The following COL9A2 variants were observed in gnomAD, a reference collection of about 807,000 sequenced individuals.
The protein encoded by COL9A2 is collagen type IX alpha 2 chain, also known as collagen alpha-2(IX) chain.
Under a neutral mutation model 111.6 loss-of-function variants are expected in COL9A2, and 66 were observed. The observed-to-expected ratio is 0.59, with a 90% confidence interval of 0.48 to 0.73. The LOEUF (loss-of-function observed/expected upper bound fraction) is 0.73. COL9A2 is among the 30% of genes least tolerant of loss of function. The probability of loss-of-function intolerance (pLI) is 0.00; values close to 1 mark genes in which losing one functional copy is unlikely to be tolerated. For missense variants in COL9A2, 881 were observed against 954.1 expected (o/e 0.92, Z 1.01); for synonymous variants, 353 against 364.1 (o/e 0.97, Z 0.35).
rs1307390525 is a variant in COL9A2 at position 40,307,516 on chromosome 1, A to T, written c.955-17T>A. ...TGCACTGCCCTGGGATAGACAGATA[A>T]CCAAAGATACAAATTAAAGCTCCAG... On this transcript the variant is annotated splice_polypyrimidine_tract_variant and intron_variant, in intron 18 of 31. Transcript: ENST00000372748. This position sits in a 1 kb window ranked among gnomAD's most constrained non-coding sequence, Gnocchi z 4.8. 6.2e-7 allele frequency: 1 copy of T among 1,613,916 alleles called. No homozygotes were observed. Among genetic ancestry groups the T allele is most frequent in the Non-Finnish European group, 8.5e-7 (1 of 1,179,924 alleles).
chr1:40,302,613 G>C lies in COL9A2; in HGVS notation c.1792+8C>G, dbSNP rs1643930847. ...TGGCCCCCATGCCCACCGCAGAGGA[G>C]CACTCACCCTTGGGCCCCGTGTTGC... On this transcript the variant is annotated splice_region_variant and intron_variant, in intron 30 of 31. Coordinates refer to ENST00000372748, the MANE Select transcript of COL9A2 (RefSeq NM_001852.4). This position sits in a 1 kb window ranked among gnomAD's most constrained non-coding sequence, Gnocchi z 4.5. The C allele has an allele frequency of 3.1e-6, 5 of 1,595,896 alleles. No homozygotes were observed. The highest frequency in any genetic ancestry group is 4.3e-6 in the Non-Finnish European group (5 of 1,173,586).
chr1:40,315,328 G>A (rs1644200515), intron 2 of COL9A2: 3 of 1,328,076 alleles, frequency 2.3e-6, no homozygotes, highest in Admixed American at 3.5e-5. Flanking sequence ...AGGGGGATGA[G>A]GCCTCGCTGT....
intron 21 of COL9A2, among the ~76,000 whole-genome samples, chr1:40,305,478 G>T (rs962185179): frequency 1.3e-5 from 2 of 152,226 alleles, no homozygotes; most frequent in African/African-American, 4.8e-5. Context: ...AACTCTGCCT[G>T]TTGGATTCCC....
chr1:40,315,440 G>A (rs916916724), intron 2 of COL9A2, 150 bp downstream of exon 2: 36 of 1,443,776 alleles, frequency 2.5e-5, no homozygotes, highest in Middle Eastern at 3.7e-4. Flanking sequence ...AACAAACGGC[G>A]TCCTTGTGGT....
chr1:40,303,657 G>A lies in COL9A2; in HGVS notation c.1421C>T (p.Pro474Leu), dbSNP rs764750434. The change falls in exon 28 of 32, where the codon CCC becomes CTC. Residue 474 changes from proline to leucine, a missense_variant. Pro to Leu is a moderately conservative substitution (Grantham distance 98, BLOSUM62 -3). Coordinates refer to ENST00000372748, the MANE Select transcript of COL9A2 (RefSeq NM_001852.4). This position sits in a 1 kb window ranked among gnomAD's most constrained non-coding sequence, Gnocchi z 4.6. ...PKGQQGVRGEPGYPGPSGDAG... is the reference protein window; with the variant it reads ...PKGQQGVRGELGYPGPSGDAG... Reference sequence around the variant, plus strand: ...ATCCCCGCTGGGGCCAGGGTAGCCGGGTTCTCCACGTACTCCTTGCTGCGG... The same window carrying A: ...ATCCCCGCTGGGGCCAGGGTAGCCGAGTTCTCCACGTACTCCTTGCTGCGG... 5.7e-6 allele frequency: 9 copies of A among 1,577,444 alleles called. No individual in the cohort carries two copies. The African/African-American group carries it at 9.5e-5, about 17-fold the overall frequency.
At position 40,316,494 on chromosome 1, in the gene COL9A2, G is replaced by C. The variant is rs1296964692; in HGVS notation, c.75+629C>G. Reference sequence around the variant, plus strand: ...CTGCTGCCCATCTCTGAACAGATCAGAGATCTTAAAAGGCGGCCCTTTTAA... The same window carrying C: ...CTGCTGCCCATCTCTGAACAGATCACAGATCTTAAAAGGCGGCCCTTTTAA... On this transcript the variant is annotated intron_variant, in intron 1 of 31. Transcript: ENST00000372748. The surrounding 1 kb of genome is among the most constrained non-coding windows in gnomAD (Gnocchi z 5.5). 6.6e-6 allele frequency among the ~76,000 whole-genome samples: 1 copy of C among 152,224 alleles called. No individual in the cohort carries two copies. The highest frequency in any genetic ancestry group is 2.4e-5 in the African/African-American group (1 of 41,462).
intron 16 of COL9A2, among the ~76,000 whole-genome samples, chr1:40,308,624 G>C (rs909750923): frequency 6.6e-6 from 1 of 152,204 alleles, no homozygotes; most frequent in Non-Finnish European, 1.5e-5. Flanking sequence ...GAGATAATTG[G>C]GAAAAACTGA....
chr1:40,308,850 A>G (rs1314862744), intron 16 of COL9A2, among the ~76,000 whole-genome samples: 1 of 152,212 alleles, frequency 6.6e-6, no homozygotes, highest in Non-Finnish European at 1.5e-5. Context: ...AGGACACAAG[A>G]CTGACAAAAT....
Position 40,311,044 on chromosome 1 carries a change from G to A in COL9A2, c.630+49C>T. On this transcript the variant is annotated intron_variant, in intron 12 of 31. Coordinates refer to ENST00000372748, the MANE Select transcript of COL9A2 (RefSeq NM_001852.4). This position sits in a 1 kb window ranked among gnomAD's most constrained non-coding sequence, Gnocchi z 5.1. ...CGAAGAAGGGGACAGAGCCCTGTAG[G>A]ACCATCTCCACGTATCCCTGACCCA... is the stretch of plus-strand genomic sequence containing the variant. The A allele has an allele frequency of 2.5e-6, 4 of 1,607,262 alleles. No individual in the cohort carries two copies. The highest frequency in any genetic ancestry group is 2.6e-6 in the Non-Finnish European group (3 of 1,174,280).
At position 40,303,072 on chromosome 1, in the gene COL9A2, GGGGTGAGGGGGC is replaced by G. The variant is rs1458987411; in HGVS notation, c.1603+47_1603+58del. ...AGTGAACACGTGGAGGCTCCGGGAG[GGGGTGAGGGGGC>G]GGCGATGCCCTCGAACTGACTGTGA... On this transcript the variant is annotated intron_variant, in intron 29 of 31. Coordinates refer to ENST00000372748, the MANE Select transcript of COL9A2 (RefSeq NM_001852.4). This position sits in a 1 kb window ranked among gnomAD's most constrained non-coding sequence, Gnocchi z 4.6. The G allele has an allele frequency of 1.1e-4, 165 of 1,545,530 alleles. 1 individual carries two copies. The highest frequency in any genetic ancestry group is 1.1e-4 in the Admixed American group (6 of 55,468).
Position 40,315,665 on chromosome 1 carries a change from C to T in COL9A2, c.76-1G>A. On this transcript the variant is annotated splice_acceptor_variant, in intron 1 of 31. Coordinates refer to ENST00000372748, the MANE Select transcript of COL9A2 (RefSeq NM_001852.4). LOFTEE classifies it high-confidence loss of function. The stretch of plus-strand genomic sequence containing the variant: ...GGCCCCGCTCTCCCGGTGGACCTCT[C>T]TGAAAAACACACACGGGGTGGGGCA... The T allele has an allele frequency of 6.4e-7, 1 of 1,552,130 alleles. No homozygotes were observed. The highest frequency in any genetic ancestry group is 8.7e-7 in the Non-Finnish European group (1 of 1,147,142).
In COL9A2 at chr1:40,314,296, G is replaced by T. The variant is rs372693449; in HGVS notation, c.187-29C>A. ...GAAAACAGAGATGGAACAAACATGA[G>T]CCAGAGGAGGGCAAGAGCAGGAAGG... is the stretch of plus-strand genomic sequence containing the variant. On this transcript the variant is annotated intron_variant, in intron 3 of 31. Coordinates refer to ENST00000372748, the MANE Select transcript of COL9A2 (RefSeq NM_001852.4). This position sits in a 1 kb window ranked among gnomAD's most constrained non-coding sequence, Gnocchi z 4.1. The T allele has an allele frequency of 4.9e-5, 79 of 1,614,106 alleles. No individual in the cohort carries two copies. In the East Asian group the frequency reaches 5.6e-4, roughly 11 times the overall value.
chr1:40,313,612 G>A (rs117211723), intron 4 of COL9A2, among the ~76,000 whole-genome samples: 1 of 152,302 alleles, frequency 6.6e-6, no homozygotes, highest in East Asian at 1.9e-4. Flanking sequence ...GACTGTCCCA[G>A]CCCTGGTCAC....
In COL9A2 at chr1:40,305,763, C is replaced by G. The variant is rs1334365730; in HGVS notation, c.1059G>C (p.Glu353Asp). 1.2e-6 allele frequency: 2 copies of G among 1,614,028 alleles called. No homozygotes were observed. Among genetic ancestry groups the G allele is most frequent in the Non-Finnish European group, 1.7e-6 (2 of 1,180,022 alleles). The change falls in exon 21 of 32, where the codon GAG becomes GAC. Residue 353 changes from glutamate (E) to aspartate (D), a missense_variant. Physicochemically the swap from Glu to Asp is conservative, Grantham distance 45. Coordinates refer to ENST00000372748, the MANE Select transcript of COL9A2 (RefSeq NM_001852.4). ...ATCCAGGAAGGCCCTGCGGGCCCGG[C>G]TCACCCTGCAGGAAAACAGTTCTCA... is the stretch of plus-strand genomic sequence containing the variant. ...GTKGGPGDQG[E>D]PGPQGLPGFS...
chr1:40,315,293 C>G, intron 2 of COL9A2: 1 of 1,226,436 alleles, frequency 8.2e-7, no homozygotes, highest in Non-Finnish European at 1.0e-6. Context: ...TCGCCTCCTA[C>G]CCCACAAGGA....
At chr1:40,313,813 G>A (rs1644169971) in intron 4 of COL9A2, among the ~76,000 whole-genome samples, 1 of 152,164 alleles carries the variant, frequency 6.6e-6, no homozygotes, top group South Asian at 2.1e-4. Context: ...TTTCTCTCCT[G>A]AGTCATGCCT....
chr1:40,303,159 G>T lies in COL9A2; in HGVS notation c.1575C>A (p.Ile525=). 1 of 1,612,786 alleles carries T rather than the reference G, an allele frequency of 6.2e-7. No individual in the cohort carries two copies. Among genetic ancestry groups the T allele is most frequent in the Non-Finnish European group, 8.5e-7 (1 of 1,179,540 alleles). ...GCAGCATCTTCAGCGCCACATCCACGATGTGCTGGTCAGTGGCATCCCGGC... is the reference window on the plus strand; with the variant it reads ...GCAGCATCTTCAGCGCCACATCCACTATGTGCTGGTCAGTGGCATCCCGGC... ...VEGRDATDQH[I]VDVALKMLQE... The change falls in exon 29 of 32, where the codon ATC becomes ATA. Residue 525 remains isoleucine (I), a synonymous_variant. Transcript: ENST00000372748. This position sits in a 1 kb window ranked among gnomAD's most constrained non-coding sequence, Gnocchi z 4.6.
chr1:40,306,234 C>G (rs1409128827), intron 19 of COL9A2, 47 bp from the exon 20 acceptor site: 1 of 1,607,112 alleles, frequency 6.2e-7, no homozygotes, highest in East Asian at 2.2e-5. Context: ...ATGAGGGAGC[C>G]CCATGCACCT....
Position 40,307,628 on chromosome 1 carries a change from C to T in COL9A2, c.954+75G>A. On this transcript the variant is annotated intron_variant, in intron 18 of 31. Coordinates refer to ENST00000372748, the MANE Select transcript of COL9A2 (RefSeq NM_001852.4). The surrounding 1 kb of genome is among the most constrained non-coding windows in gnomAD (Gnocchi z 4.8). ...GGGCATGTCCATGACCTGAGGACCC[C>T]AGGCTCTTGGTGTCTAGAATCCAGG... is the stretch of plus-strand genomic sequence containing the variant. The T allele has an allele frequency of 1.3e-6, 2 of 1,595,620 alleles. No individual in the cohort carries two copies. Among genetic ancestry groups the T allele is most frequent in the Non-Finnish European group, 1.7e-6 (2 of 1,166,468 alleles).
Sources: allele counts gnomAD v4.1 joint callset (sites outside exome capture counted in the v4.1 genomes callset), GRCh38; gene constraint gnomAD v4.1.1; non-coding constraint Gnocchi (gnomAD v3.1); transcripts MANE v1.5; gene names NCBI Gene and HGNC (gene_info 2026-07-23, HGNC 2026-07-21).